The following NFIA variants were observed in gnomAD, a reference collection of about 807,000 sequenced individuals.
The protein encoded by NFIA is nuclear factor I A, also known as nuclear factor 1 A-type.
NFIA carries 8 observed loss-of-function variants against 62.8 expected under a neutral mutation model. The observed-to-expected ratio is 0.13, with a 90% CI of 0.07 to 0.23. The LOEUF (loss-of-function observed/expected upper bound fraction) is 0.23, where lower values mean the gene tolerates loss of function less well. NFIA is among the 10% of genes least tolerant of loss of function. NFIA has a pLI of 1.00. For missense variants in NFIA, 410 were observed against 642.1 expected, an observed-to-expected ratio of 0.64 and a Z score of 3.91; for synonymous variants, 235 against 238.1, an observed-to-expected ratio of 0.99 and a Z score of 0.12.
intron 2 of NFIA, among the ~76,000 whole-genome samples, chr1:61,170,237 GGTTAA>G (rs1447772981): frequency 6.6e-6 from 1 of 152,138 alleles, no homozygotes; most frequent in Non-Finnish European, 1.5e-5. Context: ...TGACCCCAGA[GGTTAA>G]GTGAATGAAT....
Position 61,455,611 on chromosome 1 carries a change from C to T in NFIA, c.*291C>T. On this transcript the variant is annotated 3_prime_UTR_variant, in exon 11 of 11. Coordinates refer to ENST00000403491, the MANE Select transcript of NFIA (RefSeq NM_001134673.4). ...AACATTTGAAGTGTTTCCATGGTAGCGTGAGCATTAGGTGACGTGGCTAGC... is the reference window on the plus strand; with the variant it reads ...AACATTTGAAGTGTTTCCATGGTAGTGTGAGCATTAGGTGACGTGGCTAGC... 4.1e-6 allele frequency: 2 copies of T among 485,732 alleles called. No homozygotes were observed. Among genetic ancestry groups the T allele is most frequent in the East Asian group, 3.5e-5 (1 of 28,918 alleles). 30.1% of individuals were successfully genotyped at this position (485,732 alleles called of 1,614,324 possible). A position where few individuals can be genotyped will look rare whatever the true frequency, so the allele number is the denominator to read the frequency against.
chr1:61,269,373 A>G lies in NFIA; in HGVS notation c.560-8147A>G, dbSNP rs189653888. Among the ~76,000 whole-genome samples, 93 of 152,340 alleles carry G rather than the reference A, an allele frequency of 6.1e-4. 4 individuals carry two copies. The South Asian group carries it at 0.018, about 29-fold the overall frequency. ...TTAAATAAGACATTTGTTGTTGGCA[A>G]ATATTTTATTGATCAGTCTAATTTG... On this transcript the variant is annotated intron_variant, in intron 2 of 10. Transcript: ENST00000403491.
At chr1:61,194,571 A>G (rs554966887) in intron 2 of NFIA, among the ~76,000 whole-genome samples, 1 of 152,292 alleles carries the variant, frequency 6.6e-6, no homozygotes, top group African/African-American at 2.4e-5. Context: ...ATTAATTTTC[A>G]CAAAACCCCT....
Position 61,458,827 on chromosome 1 carries a change from G to A in NFIA, c.*3507G>A, listed in dbSNP as rs1234740863. 2 of 151,742 alleles carry A rather than the reference G, an allele frequency of 1.3e-5. No individual in the cohort carries two copies. Among genetic ancestry groups the A allele is most frequent in the African/African-American group, 2.4e-5 (1 of 41,298 alleles). 9.4% of individuals were successfully genotyped at this position (151,742 alleles called of 1,614,324 possible). On this transcript the variant is annotated 3_prime_UTR_variant, in exon 11 of 11. Transcript: ENST00000403491. ...GTTACAGGTATGCTGTATTTTTGAA[G>A]GTATTTTGTTGTATTAAGTTTGATG... is the stretch of plus-strand genomic sequence containing the variant.
intron 10 of NFIA, among the ~76,000 whole-genome samples, chr1:61,430,922 C>G (rs189855500): frequency 3.9e-5 from 6 of 152,266 alleles, no homozygotes; most frequent in Admixed American, 1.3e-4. Flanking sequence ...GTGGCCACCT[C>G]CCTACAGCCT....
Position 61,360,233 on chromosome 1 carries a change from A to T in NFIA, c.946+959A>T, listed in dbSNP as rs146212781. ...AATATGGATAAGTCTGATTGCAAAA[A>T]CTATTTGAAACCCTTTCCAATGTCT... On this transcript the variant is annotated intron_variant, in intron 6 of 10. Transcript: ENST00000403491. 5.4e-3 allele frequency among the ~76,000 whole-genome samples: 820 copies of T among 152,310 alleles called. 11 individuals are homozygous for T. Among genetic ancestry groups the T allele is most frequent in the South Asian group, 0.021 (101 of 4,820 alleles).
chr1:61,393,668 C>G (rs1479481325), intron 7 of NFIA, among the ~76,000 whole-genome samples: 2 of 152,126 alleles, frequency 1.3e-5, no homozygotes, highest in African/African-American at 4.8e-5. Context: ...ACCACATAGG[C>G]TGAGGCTGAG....
In NFIA at chr1:61,404,294, T is replaced by G. The variant is rs749171296; in HGVS notation, c.1254+12T>G. 128 of 1,588,368 alleles carry G rather than the reference T, an allele frequency of 8.1e-5. 1 individual carries two copies. The highest frequency in any genetic ancestry group is 1.1e-4 in the Non-Finnish European group (127 of 1,169,578). The stretch of plus-strand genomic sequence containing the variant: ...TGGGGTTCCTCAATGTAAGGAAACC[T>G]CTTTTTTTCCATTTCTTTAGAAATG... On this transcript the variant is annotated intron_variant, in intron 8 of 10. Transcript: ENST00000403491.
chr1:61,187,395 G>T (rs1390155380), intron 2 of NFIA, among the ~76,000 whole-genome samples: 2 of 152,128 alleles, frequency 1.3e-5, no homozygotes, highest in African/African-American at 4.8e-5. Context: ...TTCTCCAACT[G>T]CCATAACTGC....
chr1:61,138,093 C>G (rs955081628), intron 2 of NFIA, among the ~76,000 whole-genome samples: 2 of 151,906 alleles, frequency 1.3e-5, no homozygotes, highest in Admixed American at 6.6e-5. Context: ...TATTTTCTTT[C>G]CTTTTTTCTT....
At chr1:61,236,991 A>G (rs901045183) in intron 2 of NFIA, among the ~76,000 whole-genome samples, 3 of 152,034 alleles carry the variant, frequency 2.0e-5, no homozygotes, top group African/African-American at 7.3e-5. Context: ...CATATCTAGA[A>G]CCCTTCTTCT....
intron 2 of NFIA, among the ~76,000 whole-genome samples, chr1:61,243,313 C>T (rs1040701510): frequency 6.6e-6 from 1 of 152,142 alleles, no homozygotes; most frequent in African/African-American, 2.4e-5. Context: ...TCCCTTCTTA[C>T]ATATTTCCAG....
chr1:61,330,183 C>A (rs779590146), intron 3 of NFIA, among the ~76,000 whole-genome samples: 1 of 152,020 alleles, frequency 6.6e-6, no homozygotes, highest in Non-Finnish European at 1.5e-5. Context: ...GATGGAATGC[C>A]CAACAAATAC....
intron 3 of NFIA, among the ~76,000 whole-genome samples, chr1:61,291,300 T>G (rs1001245707): frequency 1.3e-5 from 2 of 152,188 alleles, no homozygotes; most frequent in African/African-American, 4.8e-5. Context: ...GGAAAGCAAC[T>G]CAGAGTAGGA....
At chr1:61,265,155 C>T (rs1224789792) in intron 2 of NFIA, among the ~76,000 whole-genome samples, 1 of 152,202 alleles carries the variant, frequency 6.6e-6, no homozygotes, top group Non-Finnish European at 1.5e-5. Context: ...TGGAAAATCA[C>T]TGACTAATCC....
intron 10 of NFIA, among the ~76,000 whole-genome samples, chr1:61,433,424 T>C (rs1476560104): frequency 1.3e-5 from 2 of 152,180 alleles, no homozygotes; most frequent in Non-Finnish European, 2.9e-5. Flanking sequence ...AGAAGCATTC[T>C]GTGTGTTTTA....
At chr1:61,448,014 T>C (rs1243033918) in intron 10 of NFIA, among the ~76,000 whole-genome samples, 2 of 152,204 alleles carry the variant, frequency 1.3e-5, no homozygotes, top group African/African-American at 4.8e-5. Flanking sequence ...TTTCCCTTTT[T>C]TCCTCACATT....
At chr1:61,243,191 T>C (rs1192679020) in intron 2 of NFIA, among the ~76,000 whole-genome samples, 2 of 152,286 alleles carry the variant, frequency 1.3e-5, no homozygotes, top group Admixed American at 1.3e-4. Context: ...TCCTTCAGCG[T>C]AGAAGATCAA....
At chr1:61,130,679 G>T (rs1647057709) in intron 2 of NFIA, among the ~76,000 whole-genome samples, 1 of 152,172 alleles carries the variant, frequency 6.6e-6, no homozygotes. Flanking sequence ...GAGTGTGTGG[G>T]GGGGCGTACG....
Sources: allele counts gnomAD v4.1 joint callset (sites outside exome capture counted in the v4.1 genomes callset), GRCh38; gene constraint gnomAD v4.1.1; transcripts MANE v1.5; gene names NCBI Gene and HGNC (gene_info 2026-07-23, HGNC 2026-07-21).